KLF12: variants seen among roughly 807,000 people sequenced by gnomAD.
KLF12 encodes Krueppel-like factor 12.
A neutral mutation model predicts 37.8 loss-of-function variants in KLF12; 9 were observed. The ratio of observed to expected loss-of-function variants is 0.24; its 90% CI spans 0.14 to 0.42. The LOEUF (loss-of-function observed/expected upper bound fraction) is 0.42. Ranked by LOEUF, KLF12 falls within the 10% of genes least tolerant of loss-of-function variation. The pLI, the probability that KLF12 is intolerant of heterozygous loss-of-function variation, is 1.00. For synonymous variants in KLF12, 208 were observed against 202.1 expected (o/e 1.03, Z -0.25); for missense variants, 411 against 516.0 (o/e 0.80, Z 1.97).
intron 1 of KLF12, among the ~76,000 whole-genome samples, chr13:74,052,763 T>C (rs144438868): frequency 2.6e-5 from 4 of 152,280 alleles, no homozygotes; most frequent in African/African-American, 9.6e-5. Context: ...CTGGTGTCTG[T>C]CCTTCCCTCC....
chr13:74,265,639 G>A, the KLF12 span, among the ~76,000 whole-genome samples: 1 of 152,206 alleles, frequency 6.6e-6, no homozygotes, highest in Admixed American at 6.5e-5. Flanking sequence ...ATGTTCAGGT[G>A]ATAGAGTCTT....
chr13:74,138,808 T>G (rs1655986235), upstream of KLF12, among the ~76,000 whole-genome samples: 1 of 152,200 alleles, frequency 6.6e-6, no homozygotes, highest in African/African-American at 2.4e-5. Flanking sequence ...AAAGCCAAGT[T>G]GGCACAAATT....
chr13:73,755,098 T>G (rs773826702), intron 6 of KLF12, among the ~76,000 whole-genome samples: 1 of 152,126 alleles, frequency 6.6e-6, no homozygotes, highest in African/African-American at 2.4e-5. Flanking sequence ...CTTCAAAGAG[T>G]ACAATATAAT....
chr13:73,936,517 A>T (rs1331539415), intron 3 of KLF12, among the ~76,000 whole-genome samples: 1 of 152,096 alleles, frequency 6.6e-6, no homozygotes, highest in Non-Finnish European at 1.5e-5. Context: ...AGTACTCACC[A>T]AACCCTTTAG....
intron 1 of KLF12, among the ~76,000 whole-genome samples, chr13:74,068,004 C>T (rs1874016242): frequency 6.6e-6 from 1 of 152,162 alleles, no homozygotes; most frequent in African/African-American, 2.4e-5. Flanking sequence ...AGCTCCATTC[C>T]CCTTGTAAAT....
intron 6 of KLF12, among the ~76,000 whole-genome samples, chr13:73,749,712 T>C (rs1002592016): frequency 1.7e-4 from 26 of 152,200 alleles, no homozygotes; most frequent in African/African-American, 6.3e-4. Context: ...AAAAATCAGG[T>C]GGAGGTAAGA....
intron 5 of KLF12, among the ~76,000 whole-genome samples, chr13:73,810,447 T>C (rs1244939437): frequency 6.6e-6 from 1 of 152,082 alleles, no homozygotes; most frequent in East Asian, 1.9e-4. Flanking sequence ...TATTTTACTT[T>C]ATTTTATTTT....
chr13:74,174,335 C>CTTTTTTTTT, the KLF12 span, among the ~76,000 whole-genome samples: 4 of 133,160 alleles, frequency 3.0e-5, no homozygotes, highest in Non-Finnish European at 3.2e-5. Context: ...TCTTTCTTTT[C>CTTTTTTTTT]TTTTTTTTTT....
At chr13:74,183,204 T>C in the KLF12 span, among the ~76,000 whole-genome samples, 4 of 152,288 alleles carry the variant, frequency 2.6e-5, no homozygotes, top group African/African-American at 4.8e-5. Context: ...AAGATGAATA[T>C]GACATATGGT....
At chr13:74,212,015 G>A in the KLF12 span, among the ~76,000 whole-genome samples, 2 of 152,082 alleles carry the variant, frequency 1.3e-5, no homozygotes, top group Admixed American at 1.3e-4. Flanking sequence ...CATGACATAT[G>A]GTTTAATGTT....
At chr13:73,950,095 G>T (rs1890589295) in intron 2 of KLF12, among the ~76,000 whole-genome samples, 1 of 152,184 alleles carries the variant, frequency 6.6e-6, no homozygotes, top group South Asian at 2.1e-4. Context: ...TCTATGTAAT[G>T]CAGCAATTTT....
intron 2 of KLF12, among the ~76,000 whole-genome samples, chr13:73,994,211 G>T (rs1892045158): frequency 6.6e-6 from 1 of 152,150 alleles, no homozygotes; most frequent in Admixed American, 6.5e-5. Flanking sequence ...TTTGGAAGCA[G>T]CAAGAGTAAT....
At chr13:74,122,075 G>C (rs905508864) in intron 1 of KLF12, among the ~76,000 whole-genome samples, 6 of 151,996 alleles carry the variant, frequency 3.9e-5, no homozygotes, top group African/African-American at 1.4e-4. Flanking sequence ...GGACACCAGA[G>C]AGAAAGAGAA....
intron 1 of KLF12, among the ~76,000 whole-genome samples, chr13:74,048,376 C>A (rs1371850989): frequency 6.6e-6 from 1 of 152,004 alleles, no homozygotes; most frequent in African/African-American, 2.4e-5. Flanking sequence ...TCCAATAAGA[C>A]AACTATCACA....
intron 3 of KLF12, among the ~76,000 whole-genome samples, chr13:73,865,120 C>T: frequency 6.6e-6 from 1 of 152,056 alleles, no homozygotes; most frequent in East Asian, 1.9e-4. Flanking sequence ...TGCCTAAATT[C>T]CAGACATAAC....
the KLF12 span, among the ~76,000 whole-genome samples, chr13:74,176,559 A>G: frequency 1.3e-5 from 2 of 152,126 alleles, no homozygotes; most frequent in African/African-American, 4.8e-5. Flanking sequence ...TGAAACCTTC[A>G]GCTCAGACTT....
At chr13:73,703,215 C>G (rs1449956992) in intron 7 of KLF12, among the ~76,000 whole-genome samples, 2 of 152,084 alleles carry the variant, frequency 1.3e-5, no homozygotes, top group Non-Finnish European at 2.9e-5. Context: ...AAATAATACC[C>G]ACTCAATAAA....
chr13:74,229,082 A>G, the KLF12 span, among the ~76,000 whole-genome samples: 1 of 152,182 alleles, frequency 6.6e-6, no homozygotes, highest in African/African-American at 2.4e-5. Context: ...CTTAAACAGT[A>G]AGACAAACAA....
intron 3 of KLF12, among the ~76,000 whole-genome samples, chr13:73,891,536 G>T (rs1482302087): frequency 6.6e-6 from 1 of 152,056 alleles, no homozygotes; most frequent in Non-Finnish European, 1.5e-5. Flanking sequence ...CAGTTTTCAA[G>T]AATCATGGAA....
Sources: allele counts gnomAD v4.1 joint callset (sites outside exome capture counted in the v4.1 genomes callset), GRCh38; gene constraint gnomAD v4.1.1; transcripts MANE v1.5; gene names NCBI Gene and HGNC (gene_info 2026-07-23, HGNC 2026-07-21).